SEMA6D: variants seen among roughly 807,000 people sequenced by gnomAD.
SEMA6D encodes the protein semaphorin-6D.
A neutral mutation model predicts 106.6 loss-of-function variants in SEMA6D; 35 were observed. The observed-to-expected ratio is 0.33, with a 90% confidence interval of 0.25 to 0.44. The LOEUF (loss-of-function observed/expected upper bound fraction) is 0.44, where lower values mean the gene tolerates loss of function less well. Among genes scored for constraint, SEMA6D ranks in the 20% least tolerant of loss-of-function variants. SEMA6D has a pLI of 1.00. For missense variants in SEMA6D, 1,185 were observed against 1,345.9 expected (o/e 0.88, Z 1.87); for synonymous variants, 499 against 487.7 (o/e 1.02, Z -0.31).
chr15:47,434,400 A>T (rs1234429900), intron 2 of SEMA6D, among the ~76,000 whole-genome samples: 1 of 152,014 alleles, frequency 6.6e-6, no homozygotes, highest in Admixed American at 6.6e-5. Flanking sequence ...AGGGAGGAGG[A>T]TCCTGGCTCT....
At chr15:47,719,933 A>C (rs2079320027) in intron 1 of SEMA6D, among the ~76,000 whole-genome samples, 1 of 152,246 alleles carries the variant, frequency 6.6e-6, no homozygotes, top group Admixed American at 6.5e-5. Context: ...AGATAAATAG[A>C]AAATGCCAGA....
At chr15:47,284,014 C>T (rs1404073984) in intron 1 of SEMA6D, among the ~76,000 whole-genome samples, 3 of 152,136 alleles carry the variant, frequency 2.0e-5, no homozygotes, top group Admixed American at 6.6e-5. Flanking sequence ...ATCACCTCTA[C>T]CCACTGCTTT....
intron 1 of SEMA6D, among the ~76,000 whole-genome samples, chr15:47,758,218 A>T (rs1597029400): frequency 6.6e-6 from 1 of 152,154 alleles, no homozygotes; most frequent in South Asian, 2.1e-4. Context: ...CTTGACTTGT[A>T]CTTTAGTTAG....
chr15:47,314,993 G>A (rs1217644637), intron 1 of SEMA6D, among the ~76,000 whole-genome samples: 1 of 150,486 alleles, frequency 6.6e-6, no homozygotes, highest in Non-Finnish European at 1.5e-5. Context: ...AGCCTCCCGA[G>A]TAGCTGGGAC....
intron 3 of SEMA6D, among the ~76,000 whole-genome samples, chr15:47,562,735 G>A (rs1294144324): frequency 1.3e-5 from 2 of 152,084 alleles, no homozygotes; most frequent in East Asian, 3.8e-4. Context: ...TGGTGGAAAT[G>A]TAAAATGGTA....
At chr15:47,530,759 A>G (rs1176452237) in intron 3 of SEMA6D, among the ~76,000 whole-genome samples, 1 of 151,866 alleles carries the variant, frequency 6.6e-6, no homozygotes, top group Non-Finnish European at 1.5e-5. Flanking sequence ...GCCATGATGA[A>G]GGGTGGAGAC....
chr15:47,491,881 A>T (rs965467231), intron 3 of SEMA6D, among the ~76,000 whole-genome samples: 4 of 152,202 alleles, frequency 2.6e-5, no homozygotes, highest in African/African-American at 9.6e-5. Flanking sequence ...AGATAAAAAA[A>T]GTAAACCCCA....
rs926388265 is a variant in SEMA6D, at chr15:47,424,493, G to A, written c.-159+12021G>A. Among the ~76,000 whole-genome samples, 38 of 152,134 alleles carry A rather than the reference G, an allele frequency of 2.5e-4. 1 individual carries two copies. Among genetic ancestry groups the A allele is most frequent in the South Asian group, 1.9e-3 (9 of 4,816 alleles). The stretch of plus-strand genomic sequence containing the variant: ...AGTGTCAGTCAAATTAGAGCCTATC[G>A]GTTTGTAATAACTTGGAAAGTAAGT... On this transcript the variant is annotated intron_variant, in intron 2 of 19. Coordinates refer to the SEMA6D transcript ENST00000558014.
intron 1 of SEMA6D, among the ~76,000 whole-genome samples, chr15:47,338,225 A>G (rs944840580): frequency 2.0e-5 from 3 of 152,220 alleles, no homozygotes; most frequent in Admixed American, 6.5e-5. Flanking sequence ...GAGTAAAGAG[A>G]TGAATAAATG....
chr15:47,672,754 G>A (rs906936972), intron 4 of SEMA6D, among the ~76,000 whole-genome samples: 3 of 151,966 alleles, frequency 2.0e-5, no homozygotes, highest in African/African-American at 4.8e-5. Context: ...CTCAACTTGA[G>A]GTGTTCTTTT....
chr15:47,469,819 A>G (rs1435875676), intron 2 of SEMA6D, among the ~76,000 whole-genome samples: 1 of 152,166 alleles, frequency 6.6e-6, no homozygotes, highest in African/African-American at 2.4e-5. Flanking sequence ...TTGATATATT[A>G]AAAGTGTTAT....
intron 1 of SEMA6D, among the ~76,000 whole-genome samples, chr15:47,299,421 T>A (rs1018137740): frequency 6.6e-6 from 1 of 152,218 alleles, no homozygotes; most frequent in Non-Finnish European, 1.5e-5. Context: ...ATGGTGCTCA[T>A]CCAAATTTTC....
At chr15:47,408,509 C>G (rs182135749) in intron 1 of SEMA6D, among the ~76,000 whole-genome samples, 269 of 152,262 alleles carry the variant, frequency 1.8e-3, no homozygotes, top group African/African-American at 6.4e-3. Context: ...ACTTATAATG[C>G]TTGCACACTA....
Position 47,264,428 on chromosome 15 carries a change from G to T in SEMA6D, c.-239+80010G>T, listed in dbSNP as rs377318057. On this transcript the variant is annotated intron_variant, in intron 1 of 19. Coordinates refer to the SEMA6D transcript ENST00000558014. Reference sequence around the variant, plus strand: ...CATATACCTTGGTAATTGAATTGCTGGGTTATATGCTAACTTCATGTTTAA... The same window carrying T: ...CATATACCTTGGTAATTGAATTGCTTGGTTATATGCTAACTTCATGTTTAA... 1.8e-3 allele frequency among the ~76,000 whole-genome samples: 272 copies of T among 151,764 alleles called. 12 individuals are homozygous for T. In the South Asian group the frequency reaches 0.054, roughly 30 times the overall value.
At chr15:47,289,358 C>G (rs1306347762) in intron 1 of SEMA6D, among the ~76,000 whole-genome samples, 2 of 135,176 alleles carry the variant, frequency 1.5e-5, no homozygotes, top group Middle Eastern at 4.5e-3. Context: ...CGTGCCACTG[C>G]ACTCCAGCCT....
rs1383506290 is a variant in SEMA6D at position 47,772,646 on chromosome 15, C to G, written c.*861C>G. On this transcript the variant is annotated 3_prime_UTR_variant, in exon 19 of 19. Transcript: ENST00000536845. ...TATTCATTAAAACTTGTATTCCAGT[C>G]TTGCCAGCTTAAGGAGATCAAGATA... The G allele has an allele frequency of 6.6e-6, 1 of 152,466 alleles. No homozygotes were observed. Among genetic ancestry groups the G allele is most frequent in the Non-Finnish European group, 1.5e-5 (1 of 68,010 alleles). 9.4% of individuals were successfully genotyped at this position (152,466 alleles called of 1,614,324 possible). A position where few individuals can be genotyped will look rare whatever the true frequency, so the allele number is the denominator to read the frequency against.
chr15:47,446,389 ATAT>A (rs1274507280), intron 2 of SEMA6D, among the ~76,000 whole-genome samples: 2 of 152,184 alleles, frequency 1.3e-5, no homozygotes, highest in South Asian at 2.1e-4. Context: ...GTTAGTGCAC[ATAT>A]TATTATGTTC....
At chr15:47,766,275 T>C in intron 15 of SEMA6D, 93 bp downstream of exon 15, 2 of 1,117,912 alleles carry the variant, frequency 1.8e-6, no homozygotes, top group African/African-American at 1.6e-5. Flanking sequence ...TATACTACTT[T>C]TCTTTTTTTT....
chr15:47,557,636 T>A (rs1342271928), intron 3 of SEMA6D, among the ~76,000 whole-genome samples: 1 of 152,158 alleles, frequency 6.6e-6, no homozygotes, highest in African/African-American at 2.4e-5. Context: ...TCATTAAAGT[T>A]TAGTAGCTGT....
Sources: gnomAD v4.1 joint callset for allele counts (sites outside exome capture counted in the v4.1 genomes callset) on GRCh38, gnomAD v4.1.1 for gene constraint, MANE v1.5 for transcripts, NCBI Gene and HGNC (gene_info 2026-07-23, HGNC 2026-07-21) for gene names.